The following TEAD1 variants were observed in gnomAD, a reference collection of about 807,000 sequenced individuals.
TEAD1 encodes the protein transcriptional enhancer factor TEF-1.
TEAD1 carries 9 observed loss-of-function variants against 54.9 expected under a neutral mutation model. The ratio of observed to expected loss-of-function variants is 0.16; its 90% CI spans 0.10 to 0.29. The LOEUF (loss-of-function observed/expected upper bound fraction) is 0.29. TEAD1 is among the 10% of genes least tolerant of loss of function. TEAD1 has a pLI of 1.00. For missense variants in TEAD1, 387 were observed against 535.9 expected (o/e 0.72, Z 2.74); for synonymous variants, 200 against 187.8 (o/e 1.07, Z -0.53).
intron 12 of TEAD1, 108 bp from the exon 13 acceptor site, chr11:12,937,001 C>A: frequency 2.6e-6 from 2 of 758,846 alleles, no homozygotes; most frequent in Non-Finnish European, 4.6e-6. Flanking sequence ...GAGCAAATCT[C>A]TCTTGGACTT....
intron 3 of TEAD1, among the ~76,000 whole-genome samples, chr11:12,788,002 G>A (rs1453917900): frequency 1.4e-5 from 2 of 144,306 alleles, no homozygotes; most frequent in Non-Finnish European, 1.5e-5. Flanking sequence ...TGCTCTTGTC[G>A]CTCAGGCTGG....
At chr11:12,726,571 A>C (rs1255815989) in intron 2 of TEAD1, among the ~76,000 whole-genome samples, 1 of 152,174 alleles carries the variant, frequency 6.6e-6, no homozygotes, top group East Asian at 1.9e-4. Context: ...AGTAAAACAC[A>C]TCATGAACAA....
chr11:12,705,698 T>C (rs1400888410), intron 2 of TEAD1, among the ~76,000 whole-genome samples: 1 of 152,216 alleles, frequency 6.6e-6, no homozygotes, highest in Non-Finnish European at 1.5e-5. Flanking sequence ...TTTGCTTTAT[T>C]GTAGATGGCC....
chr11:12,876,213 A>G (rs1224003408), intron 5 of TEAD1, among the ~76,000 whole-genome samples: 1 of 152,234 alleles, frequency 6.6e-6, no homozygotes, highest in Non-Finnish European at 1.5e-5. Context: ...GCTGTGTGAC[A>G]TAAACAGCAA....
At chr11:12,911,339 T>C (rs1238181759) in intron 10 of TEAD1, among the ~76,000 whole-genome samples, 1 of 152,204 alleles carries the variant, frequency 6.6e-6, no homozygotes, top group African/African-American at 2.4e-5. Flanking sequence ...TGTTTCTAAT[T>C]GTATTCTGCA....
intron 2 of TEAD1, among the ~76,000 whole-genome samples, chr11:12,689,631 A>T (rs986915197): frequency 6.6e-6 from 1 of 152,146 alleles, no homozygotes; most frequent in African/African-American, 2.4e-5. Flanking sequence ...CTTCTGTAGC[A>T]TCTGTCTCTC....
chr11:12,810,707 A>G (rs1946281785), intron 3 of TEAD1, among the ~76,000 whole-genome samples: 1 of 152,184 alleles, frequency 6.6e-6, no homozygotes, highest in Non-Finnish European at 1.5e-5. Context: ...TTTCATGCTG[A>G]CGAGCACAGT....
intron 10 of TEAD1, among the ~76,000 whole-genome samples, chr11:12,904,012 G>A (rs924173836): frequency 2.0e-5 from 3 of 152,094 alleles, no homozygotes; most frequent in Admixed American, 6.5e-5. Context: ...TGTGGCCTGC[G>A]AACCCCTAGG....
intron 2 of TEAD1, among the ~76,000 whole-genome samples, chr11:12,714,042 C>G (rs1403319958): frequency 6.6e-6 from 1 of 152,148 alleles, no homozygotes; most frequent in Non-Finnish European, 1.5e-5. Context: ...TCAGGGATCC[C>G]AGTGGAAGAG....
rs10543484 is a variant in TEAD1, at chr11:12,878,800, CAT to C, written c.331-899_331-898del. ...ACATATATACATATGTATATATACA[CAT>C]ATATATATGTTTTTTTTTTAACCAA... On this transcript the variant is annotated intron_variant, in intron 5 of 12. Coordinates refer to ENST00000527636, the MANE Select transcript of TEAD1 (RefSeq NM_021961.6). The C allele has an allele frequency of 0.25, 186,033 of 752,078 alleles. 24,160 individuals are homozygous for C. Among genetic ancestry groups the C allele is most frequent in the East Asian group, 0.67 (9,828 of 14,694 alleles). 46.6% of individuals were successfully genotyped at this position (752,078 alleles called of 1,614,324 possible).
chr11:12,680,438 G>A (rs979663043), intron 2 of TEAD1, among the ~76,000 whole-genome samples: 28 of 152,208 alleles, frequency 1.8e-4, no homozygotes, highest in African/African-American at 6.8e-4. Context: ...CACTTCCGTG[G>A]TGGTGAAATA....
rs904382562 is a variant in TEAD1, at chr11:12,943,076, A to G, written c.*5854A>G. Reference sequence around the variant, plus strand: ...AAATTAGCCTCTAAACTCTTAATACATACGTTCTGTGTGTCTCTACCTGGC... The same window carrying G: ...AAATTAGCCTCTAAACTCTTAATACGTACGTTCTGTGTGTCTCTACCTGGC... On this transcript the variant is annotated 3_prime_UTR_variant, in exon 13 of 13. Coordinates refer to ENST00000527636, the MANE Select transcript of TEAD1 (RefSeq NM_021961.6). 3.9e-5 allele frequency: 6 copies of G among 152,206 alleles called. No homozygotes were observed. Among genetic ancestry groups the G allele is most frequent in the African/African-American group, 1.4e-4 (6 of 41,436 alleles). The allele number at this position is 152,206 out of a possible 1,614,324, so 9.4% of individuals were successfully genotyped here.
At chr11:12,742,038 C>G (rs1944660526) in intron 2 of TEAD1, among the ~76,000 whole-genome samples, 2 of 152,328 alleles carry the variant, frequency 1.3e-5, no homozygotes, top group Admixed American at 1.3e-4. Context: ...TTTCTTTTCA[C>G]CCACCATAGA....
At chr11:12,870,543 T>G (rs1947723944) in intron 5 of TEAD1, among the ~76,000 whole-genome samples, 1 of 151,678 alleles carries the variant, frequency 6.6e-6, no homozygotes, top group Non-Finnish European at 1.5e-5. Context: ...CATTCAGAGT[T>G]GTGGGGATTT....
chr11:12,804,376 T>C (rs894972746), intron 3 of TEAD1, among the ~76,000 whole-genome samples: 1 of 152,250 alleles, frequency 6.6e-6, no homozygotes, highest in African/African-American at 2.4e-5. Flanking sequence ...CTAGCTTCGC[T>C]TCTTTCTCTG....
At chr11:12,828,275 G>C (rs1946697292) in intron 3 of TEAD1, 1 of 152,224 alleles carries the variant, frequency 6.6e-6, no homozygotes, top group African/African-American at 2.4e-5. Flanking sequence ...CAATTGCTGT[G>C]CTTGTTCGGT....
intron 10 of TEAD1, among the ~76,000 whole-genome samples, chr11:12,908,455 T>C (rs759550931): frequency 3.3e-5 from 5 of 152,240 alleles, no homozygotes; most frequent in African/African-American, 9.6e-5. Flanking sequence ...CATGTGGCCC[T>C]TGATGGCCTG....
At chr11:12,856,260 G>C (rs902477075) in intron 3 of TEAD1, among the ~76,000 whole-genome samples, 8 of 151,986 alleles carry the variant, frequency 5.3e-5, no homozygotes, top group African/African-American at 1.9e-4. Context: ...AAAGGGAGGC[G>C]GAGAAGAGAT....
chr11:12,822,074 C>A (rs1946563756), intron 3 of TEAD1, among the ~76,000 whole-genome samples: 1 of 149,924 alleles, frequency 6.7e-6, no homozygotes, highest in African/African-American at 2.5e-5. Context: ...CACCATTCTC[C>A]TGCCTCAGCC....
Sources: gnomAD v4.1 joint callset for allele counts (sites outside exome capture counted in the v4.1 genomes callset) on GRCh38, gnomAD v4.1.1 for gene constraint, MANE v1.5 for transcripts, NCBI Gene and HGNC (gene_info 2026-07-23, HGNC 2026-07-21) for gene names.